Variants in BICD1 observed in about 807,000 individuals in gnomAD.
BICD1 encodes protein bicaudal D homolog 1.
In BICD1, 35 loss-of-function variants were observed where a neutral mutation model predicts 92.5. That is an observed-to-expected ratio of 0.38 (90% CI 0.29 to 0.50). The LOEUF (loss-of-function observed/expected upper bound fraction) is 0.50, where lower values mean the gene tolerates loss of function less well. Ranked by LOEUF, BICD1 falls within the 20% of genes least tolerant of loss-of-function variation. The pLI is 0.93. For missense variants in BICD1, 950 were observed against 1,189.8 expected, an observed-to-expected ratio of 0.80 and a Z score of 2.97; for synonymous variants, 429 against 465.1, an observed-to-expected ratio of 0.92 and a Z score of 1.00.
chr12:32,236,872 C>CTTTTTTTTTTTTTTTTTT (rs57318640), intron 2 of BICD1, among the ~76,000 whole-genome samples: 4 of 89,318 alleles, frequency 4.5e-5, no homozygotes, highest in African/African-American at 9.4e-5. Context: ...AAGTCTAATT[C>CTTTTTTTTTTTTTTTTTT]TTTTTTTTTT....
intron 1 of BICD1, among the ~76,000 whole-genome samples, chr12:32,139,559 T>G (rs1390199958): frequency 6.6e-6 from 1 of 151,996 alleles, no homozygotes; most frequent in Non-Finnish European, 1.5e-5. Context: ...GCACAAAGGG[T>G]TTTTTTGTTT....
intron 9 of BICD1, among the ~76,000 whole-genome samples, chr12:32,376,754 G>C (rs1236362898): frequency 6.6e-6 from 1 of 151,590 alleles, no homozygotes. Context: ...TGTAATCCCA[G>C]CTGCTCGGGA....
At chr12:32,267,151 C>A (rs1377294518) in intron 2 of BICD1, among the ~76,000 whole-genome samples, 5 of 152,168 alleles carry the variant, frequency 3.3e-5, no homozygotes, top group African/African-American at 1.2e-4. Flanking sequence ...ACCATGCAAT[C>A]GAAAGATCAC....
At chr12:32,295,787 G>C (rs1947852221) in intron 3 of BICD1, among the ~76,000 whole-genome samples, 1 of 151,760 alleles carries the variant, frequency 6.6e-6, no homozygotes, top group South Asian at 2.1e-4. Flanking sequence ...CGAGTAGCTG[G>C]GATTACAGGC....
intron 1 of BICD1, among the ~76,000 whole-genome samples, chr12:32,203,712 C>T (rs1455338250): frequency 6.6e-6 from 1 of 152,202 alleles, no homozygotes; most frequent in Non-Finnish European, 1.5e-5. Flanking sequence ...CCTGCTACCA[C>T]TGGACCGCTG....
chr12:32,156,205 A>G lies in BICD1; in HGVS notation c.213+48661A>G, dbSNP rs538140055. On this transcript the variant is annotated intron_variant, in intron 1 of 9. Coordinates refer to ENST00000652176, the MANE Select transcript of BICD1 (RefSeq NM_001714.4). ...TTTTGCAATAAAATTGCACACATAGATATTATTGCTCCTCCAGCGTTTCAT... is the reference window on the plus strand; with the variant it reads ...TTTTGCAATAAAATTGCACACATAGGTATTATTGCTCCTCCAGCGTTTCAT... Among the ~76,000 whole-genome samples the G allele has an allele frequency of 3.3e-5, 5 of 152,300 alleles. No individual in the cohort carries two copies. The East Asian group carries it at 7.7e-4, about 24-fold the overall frequency.
intron 3 of BICD1, among the ~76,000 whole-genome samples, chr12:32,300,280 T>G (rs1947998659): frequency 6.6e-6 from 1 of 151,904 alleles, no homozygotes; most frequent in Admixed American, 6.6e-5. Context: ...TTTCTTGTAT[T>G]TTTTAGTAGA....
rs1431304344 is a variant in BICD1, at chr12:32,318,579, G to A, written c.1006-8882G>A. On this transcript the variant is annotated intron_variant, in intron 4 of 9. Transcript: ENST00000652176. ...CTTTTGTTAAATTTATTCCTGCCGG[G>A]TGCGGTGGCTCACACCTGTAATCCC... Among the ~76,000 whole-genome samples, 48 of 152,202 alleles carry A rather than the reference G, an allele frequency of 3.2e-4. 1 individual carries two copies. The highest frequency in any genetic ancestry group is 3.1e-3 in the Admixed American group (48 of 15,270).
At chr12:32,136,485 C>T (rs1285637255) in intron 1 of BICD1, among the ~76,000 whole-genome samples, 1 of 152,186 alleles carries the variant, frequency 6.6e-6, no homozygotes, top group Non-Finnish European at 1.5e-5. Flanking sequence ...TTGGGCTAAC[C>T]CTTTAGTGCC....
chr12:32,317,709 A>C (rs560652494), intron 4 of BICD1, among the ~76,000 whole-genome samples: 62 of 152,160 alleles, frequency 4.1e-4, no homozygotes, highest in African/African-American at 1.3e-3. Context: ...GAAGCGCTTT[A>C]GTTTAATTAG....
At chr12:32,273,870 G>A (rs974858025) in intron 2 of BICD1, among the ~76,000 whole-genome samples, 2 of 152,212 alleles carry the variant, frequency 1.3e-5, no homozygotes, top group African/African-American at 4.8e-5. Flanking sequence ...CTTGCCAACA[G>A]GCCCTCCACC....
chr12:32,204,791 G>A (rs532149436), intron 1 of BICD1, among the ~76,000 whole-genome samples: 18 of 152,254 alleles, frequency 1.2e-4, no homozygotes, highest in Middle Eastern at 3.4e-3. Context: ...GAAGACGATG[G>A]GATATCTTAA....
intron 2 of BICD1, among the ~76,000 whole-genome samples, chr12:32,235,511 C>T (rs1291253236): frequency 6.6e-6 from 1 of 151,694 alleles, no homozygotes; most frequent in Non-Finnish European, 1.5e-5. Flanking sequence ...CACAGGCATA[C>T]TGTGTCTTAC....
chr12:32,280,485 T>A (rs1947384484), intron 2 of BICD1, among the ~76,000 whole-genome samples: 1 of 152,186 alleles, frequency 6.6e-6, no homozygotes, highest in Non-Finnish European at 1.5e-5. Context: ...TAAGGGATAT[T>A]TTAGTAAGTT....
intron 2 of BICD1, among the ~76,000 whole-genome samples, chr12:32,230,044 T>C (rs1333094320): frequency 1.3e-5 from 2 of 152,010 alleles, no homozygotes; most frequent in Non-Finnish European, 2.9e-5. Flanking sequence ...TATGGGTAGA[T>C]AGATGTGAGT....
chr12:32,243,264 AT>A (rs71068310), intron 2 of BICD1, among the ~76,000 whole-genome samples: 69 of 74,032 alleles, frequency 9.3e-4, no homozygotes, highest in South Asian at 3.1e-3. Flanking sequence ...TGCCTGGCTA[AT>A]TTTTTTTTTT....
chr12:32,203,258 G>C (rs1944957257), intron 1 of BICD1, among the ~76,000 whole-genome samples: 1 of 152,190 alleles, frequency 6.6e-6, no homozygotes, highest in Admixed American at 6.5e-5. Context: ...AATAGTATAG[G>C]AGAATAGCTT....
chr12:32,335,543 T>C (rs989925847), intron 6 of BICD1, among the ~76,000 whole-genome samples: 2 of 152,012 alleles, frequency 1.3e-5, no homozygotes, highest in African/African-American at 4.8e-5. Flanking sequence ...TTGAAATACA[T>C]TTTTTGCTGT....
chr12:32,146,694 C>T (rs977689934), intron 1 of BICD1, among the ~76,000 whole-genome samples: 6 of 152,278 alleles, frequency 3.9e-5, no homozygotes, highest in South Asian at 2.1e-4. Context: ...ACAGAGCCCA[C>T]GAAGTGTGGC....
Sources: gnomAD v4.1 joint callset for allele counts (sites outside exome capture counted in the v4.1 genomes callset) on GRCh38, gnomAD v4.1.1 for gene constraint, MANE v1.5 for transcripts, NCBI Gene and HGNC (gene_info 2026-07-23, HGNC 2026-07-21) for gene names.